Variants in CSMD1 observed in about 807,000 individuals in gnomAD.
The protein encoded by CSMD1 is CUB and Sushi multiple domains 1.
Under a neutral mutation model 417.5 loss-of-function variants are expected in CSMD1, and 213 were observed. That is an observed-to-expected ratio of 0.51 (90% confidence interval 0.46 to 0.57). The LOEUF (loss-of-function observed/expected upper bound fraction) is 0.57. CSMD1 is among the 20% of genes least tolerant of loss of function. CSMD1 has a pLI of 0.00. For synonymous variants in CSMD1, 2,862 were observed against 1,736.8 expected (o/e 1.65, Z -16.11); for missense variants, 6,923 against 4,529.7 (o/e 1.53, Z -15.17).
At chr8:3,101,922 C>T (rs887075932) in intron 46 of CSMD1, among the ~76,000 whole-genome samples, 4 of 151,678 alleles carry the variant, frequency 2.6e-5, no homozygotes, top group East Asian at 1.9e-4. Flanking sequence ...CAGCCTCAGC[C>T]TCCAGAGCAG....
chr8:4,261,408 G>A (rs886941379), intron 3 of CSMD1, among the ~76,000 whole-genome samples: 2 of 152,144 alleles, frequency 1.3e-5, no homozygotes, highest in African/African-American at 2.4e-5. Flanking sequence ...CAGGGGCTGG[G>A]GAGAGGGGAA....
At chr8:4,819,358 T>C (rs1799388276) in intron 1 of CSMD1, among the ~76,000 whole-genome samples, 1 of 152,190 alleles carries the variant, frequency 6.6e-6, no homozygotes, top group South Asian at 2.1e-4. Flanking sequence ...GTCCATTTAC[T>C]TGACATGGAA....
intron 3 of CSMD1, among the ~76,000 whole-genome samples, chr8:4,104,195 G>A (rs955747254): frequency 9.2e-5 from 14 of 152,190 alleles, no homozygotes; most frequent in African/African-American, 3.4e-4. Flanking sequence ...ATTCTCTAGG[G>A]TCATAGTGTG....
chr8:3,204,390 C>T (rs1423569385), intron 31 of CSMD1, among the ~76,000 whole-genome samples: 2 of 119,140 alleles, frequency 1.7e-5, no homozygotes, highest in Non-Finnish European at 3.6e-5. Flanking sequence ...TACTGCTGAG[C>T]ATTTAGGTAA....
intron 3 of CSMD1, among the ~76,000 whole-genome samples, chr8:4,346,310 G>A (rs1479586228): frequency 6.6e-6 from 1 of 152,114 alleles, no homozygotes; most frequent in African/African-American, 2.4e-5. Context: ...AAATTTCAGT[G>A]ACCATAAATC....
chr8:4,257,189 T>C (rs752301616), intron 3 of CSMD1, among the ~76,000 whole-genome samples: 2 of 73,620 alleles, frequency 2.7e-5, no homozygotes, highest in African/African-American at 5.6e-5. Context: ...ATTATGGTAC[T>C]ACATTTTTAA....
At chr8:4,100,710 C>G (rs1423309879) in intron 3 of CSMD1, among the ~76,000 whole-genome samples, 2 of 151,986 alleles carry the variant, frequency 1.3e-5, no homozygotes, top group African/African-American at 4.8e-5. Context: ...AATTTTTTTC[C>G]TCATAAACTT....
At chr8:4,607,263 G>C (rs977520646) in intron 2 of CSMD1, among the ~76,000 whole-genome samples, 9 of 149,956 alleles carry the variant, frequency 6.0e-5, no homozygotes, top group African/African-American at 2.0e-4. Context: ...CTAGTGATAA[G>C]TAGAAAATAT....
At chr8:4,253,884 C>T (rs1377531103) in intron 3 of CSMD1, among the ~76,000 whole-genome samples, 2 of 147,398 alleles carry the variant, frequency 1.4e-5, no homozygotes, top group Admixed American at 6.8e-5. Flanking sequence ...CAAAGAGACA[C>T]TACGTTCGTT....
chr8:4,029,650 G>A (rs112200579), intron 4 of CSMD1, among the ~76,000 whole-genome samples: 5 of 151,910 alleles, frequency 3.3e-5, no homozygotes, highest in African/African-American at 9.7e-5. Context: ...ATATCATTTC[G>A]CTCCTGGACC....
At chr8:4,930,300 A>C (rs1226492111) in intron 1 of CSMD1, among the ~76,000 whole-genome samples, 1 of 152,186 alleles carries the variant, frequency 6.6e-6, no homozygotes, top group Non-Finnish European at 1.5e-5. Context: ...GTCATATGCA[A>C]TTGGTGTGAT....
At chr8:3,248,997 C>T (rs554622758) in intron 26 of CSMD1, among the ~76,000 whole-genome samples, 105 of 152,194 alleles carry the variant, frequency 6.9e-4, no homozygotes, top group Non-Finnish European at 1.4e-3. Context: ...GGTGCACTTG[C>T]TGAGCTCAGA....
chr8:4,049,643 T>A (rs1023568648), intron 3 of CSMD1, among the ~76,000 whole-genome samples: 1 of 152,094 alleles, frequency 6.6e-6, no homozygotes, highest in African/African-American at 2.4e-5. Context: ...TAAAATAACA[T>A]TATATTTACT....
chr8:3,935,820 A>G (rs1199988913), intron 5 of CSMD1, among the ~76,000 whole-genome samples: 2 of 152,282 alleles, frequency 1.3e-5, no homozygotes, highest in Non-Finnish European at 2.9e-5. Context: ...AGTGAAAGGA[A>G]GAGTCACATG....
chr8:3,946,567 A>C (rs1378083663), intron 5 of CSMD1, among the ~76,000 whole-genome samples: 2 of 152,182 alleles, frequency 1.3e-5, no homozygotes, highest in Non-Finnish European at 2.9e-5. Context: ...AAAAACAAAC[A>C]AACAAACAAA....
chr8:4,689,358 T>A (rs922124916), intron 1 of CSMD1, among the ~76,000 whole-genome samples: 1 of 152,184 alleles, frequency 6.6e-6, no homozygotes, highest in Non-Finnish European at 1.5e-5. Flanking sequence ...TCCAGAATGA[T>A]TTTTTCCACA....
At chr8:3,778,377 A>C (rs527581852) in intron 5 of CSMD1, among the ~76,000 whole-genome samples, 2 of 152,320 alleles carry the variant, frequency 1.3e-5, no homozygotes, top group South Asian at 2.1e-4. Context: ...TTCGGTAAGA[A>C]GACCGGGGGC....
chr8:4,628,395 CACATATATATACACATATATAT>C (rs964334659), intron 2 of CSMD1, among the ~76,000 whole-genome samples: 6 of 133,918 alleles, frequency 4.5e-5, no homozygotes, highest in African/African-American at 8.2e-5. Flanking sequence ...CATATATATA[CACATATATATACACATATATAT>C]ACATATATAT....
intron 2 of CSMD1, among the ~76,000 whole-genome samples, chr8:4,458,656 C>CA (rs1799629470): frequency 1.3e-5 from 2 of 152,174 alleles, no homozygotes; most frequent in African/African-American, 4.8e-5. Context: ...TTTGTATTCT[C>CA]AAAGGTCCTT....
Sources: gnomAD v4.1 joint callset for allele counts (sites outside exome capture counted in the v4.1 genomes callset) on GRCh38, gnomAD v4.1.1 for gene constraint, MANE v1.5 for transcripts, NCBI Gene and HGNC (gene_info 2026-07-23, HGNC 2026-07-21) for gene names.